ADGRE1: variants seen among roughly 807,000 people sequenced by gnomAD.
ADGRE1 encodes EGF-like module receptor 1.
A neutral mutation model predicts 102.7 loss-of-function variants in ADGRE1; 82 were observed. The observed-to-expected ratio is 0.80, with a 90% confidence interval of 0.67 to 0.96. ADGRE1 has a LOEUF of 0.96. ADGRE1 is among the 40% of genes least tolerant of loss of function. The pLI, the probability that ADGRE1 is intolerant of heterozygous loss-of-function variation, is 0.00. For missense variants in ADGRE1, 1,032 were observed against 1,085.3 expected, an observed-to-expected ratio of 0.95 and a Z score of 0.69; for synonymous variants, 398 against 399.6, an observed-to-expected ratio of 1.00 and a Z score of 0.05.
intron 17 of ADGRE1, among the ~76,000 whole-genome samples, chr19:6,932,738 C>T (rs1265350466): frequency 6.6e-6 from 1 of 152,164 alleles, no homozygotes; most frequent in Non-Finnish European, 1.5e-5. Flanking sequence ...TTTTTCCTGC[C>T]TGCTCGGCCC....
At chr19:6,921,130 A>G (rs1203560976) in intron 13 of ADGRE1, among the ~76,000 whole-genome samples, 1 of 152,184 alleles carries the variant, frequency 6.6e-6, no homozygotes, top group Non-Finnish European at 1.5e-5. Context: ...TACTAAAAAT[A>G]CAAAAATTAG....
rs78491083 is a variant in ADGRE1 at position 6,906,458 on chromosome 19, T to C, written c.975T>C (p.Asp325=). The C allele has an allele frequency of 8.9e-3, 14,357 of 1,613,896 alleles. 72 individuals are homozygous for C. The highest frequency in any genetic ancestry group is 0.011 in the Non-Finnish European group (12,600 of 1,179,824). Residue 325 remains aspartate (D), a synonymous_variant, in exon 9 of 21, where the codon GAT becomes GAC. Coordinates refer to ENST00000312053, the MANE Select transcript of ADGRE1 (RefSeq NM_001974.5). ...CQRVLFKCKE[D]VIPDNKQIQQ... is the part of the protein sequence containing the mutation. ...GGGTTCTCTTCAAATGTAAGGAAGA[T>C]GTGATACCCGATAATAAGCAGATCC...
Position 6,940,125 on chromosome 19 carries a change from G to T in ADGRE1, c.*96G>T. 2.1e-6 allele frequency: 3 copies of T among 1,416,002 alleles called. No individual in the cohort carries two copies. Among genetic ancestry groups the T allele is most frequent in the Non-Finnish European group, 2.0e-6 (2 of 1,014,324 alleles). 87.7% of individuals were successfully genotyped at this position (1,416,002 alleles called of 1,614,324 possible). A position where few individuals can be genotyped will look rare whatever the true frequency, so the allele number is the denominator to read the frequency against. On this transcript the variant is annotated 3_prime_UTR_variant, in exon 21 of 21. Coordinates refer to ENST00000312053, the MANE Select transcript of ADGRE1 (RefSeq NM_001974.5). ...CTGAAATCTCTTCTCAGCTTAACATGGAAATGAGGATCCCACCAGCCCCAG... is the reference window on the plus strand; with the variant it reads ...CTGAAATCTCTTCTCAGCTTAACATTGAAATGAGGATCCCACCAGCCCCAG...
At position 6,911,268 on chromosome 19, in the gene ADGRE1, G is replaced by A. The variant is rs569111470; in HGVS notation, c.1123-2385G>A. ...TTTTTTTCCTTTTATCATCTAATTT[G>A]GATAGATAGAAACTTGTATTGCTGC... On this transcript the variant is annotated intron_variant, in intron 10 of 20. Transcript: ENST00000312053. Among the ~76,000 whole-genome samples the A allele has an allele frequency of 3.4e-4, 51 of 151,516 alleles. 2 individuals carry two copies. The South Asian group carries it at 9.2e-3, about 27-fold the overall frequency.
At chr19:6,889,413 G>T (rs539352616) in intron 1 of ADGRE1, among the ~76,000 whole-genome samples, 53 of 152,128 alleles carry the variant, frequency 3.5e-4, no homozygotes, top group Non-Finnish European at 5.9e-4. Context: ...AAAATGGGCA[G>T]GGCGCAGTGG....
chr19:6,937,479 C>T, intron 19 of ADGRE1, 65 bp from the exon 20 acceptor site: 3 of 1,600,170 alleles, frequency 1.9e-6, no homozygotes, highest in Non-Finnish European at 2.6e-6. Flanking sequence ...CACCGCATCC[C>T]TCCACCCAAC....
Position 6,887,626 on chromosome 19 carries a change from GCTC to G in ADGRE1, c.22_24del (p.Leu8del). 6.2e-7 allele frequency: 1 copy of G among 1,612,518 alleles called. No homozygotes were observed. Among genetic ancestry groups the G allele is most frequent in the African/African-American group, 1.3e-5 (1 of 74,922 alleles). ...ACAGCATAATGCGTGGCTTCAACCT[GCTC>G]CTCTTCTGGGGTGAGTGTGAGGCTG... is the stretch of plus-strand genomic sequence containing the variant. On this transcript the variant is annotated inframe_deletion, in exon 1 of 21. Coordinates refer to ENST00000312053, the MANE Select transcript of ADGRE1 (RefSeq NM_001974.5).
intron 8 of ADGRE1, 79 bp downstream of exon 8, chr19:6,904,261 G>A (rs1056800512): frequency 1.4e-5 from 21 of 1,547,524 alleles, no homozygotes; most frequent in East Asian, 2.3e-5. Context: ...ACCCAACCTC[G>A]GGATCTTCCT....
At chr19:6,923,878 G>A (rs1161399522) in intron 14 of ADGRE1, among the ~76,000 whole-genome samples, 3 of 148,392 alleles carry the variant, frequency 2.0e-5, no homozygotes, top group Non-Finnish European at 4.5e-5. Context: ...CAATATCATA[G>A]AGAGGTGCTC....
intron 15 of ADGRE1, 88 bp downstream of exon 15, chr19:6,924,960 G>T (rs765750094): frequency 7.1e-7 from 1 of 1,409,576 alleles, no homozygotes; most frequent in Non-Finnish European, 9.8e-7. Flanking sequence ...CTCTATCCCT[G>T]TTCCTACCTC....
At chr19:6,898,463 G>A (rs1973651918) in intron 5 of ADGRE1, 1 of 1,592,180 alleles carries the variant, frequency 6.3e-7, no homozygotes, top group Non-Finnish European at 8.6e-7. Context: ...TCCTGTACTG[G>A]TGATGCCCTC....
In ADGRE1 at chr19:6,926,056, G is replaced by A. The variant is rs777207325; in HGVS notation, c.1987-310G>A. On this transcript the variant is annotated intron_variant, in intron 15 of 20. Transcript: ENST00000312053. ...CTATGGGGTCTAGTTTGCTGAACCC[G>A]CCTGTTTTCAACCATTCCCTAAAGT... 3.4e-4 allele frequency among the ~76,000 whole-genome samples: 51 copies of A among 152,042 alleles called. 1 individual carries two copies. Among genetic ancestry groups the A allele is most frequent in the Non-Finnish European group, 3.8e-4 (26 of 68,004 alleles).
intron 6 of ADGRE1, 132 bp from the exon 7 acceptor site, chr19:6,903,678 G>C (rs1296609613): frequency 2.9e-5 from 34 of 1,166,298 alleles, no homozygotes; most frequent in Non-Finnish European, 3.8e-5. Context: ...AGATGCAGAG[G>C]GTTCTAGGAA....
intron 10 of ADGRE1, 142 bp from the exon 11 acceptor site, chr19:6,913,511 T>A: frequency 1.4e-6 from 1 of 698,398 alleles, no homozygotes. Context: ...GCTTCTTGAA[T>A]CAGAAAAAGG....
chr19:6,927,300 T>TCC (rs1568361037), intron 16 of ADGRE1, among the ~76,000 whole-genome samples: 1 of 45,320 alleles, frequency 2.2e-5, no homozygotes, highest in African/African-American at 1.6e-4. Context: ...TCCCTCCCTC[T>TCC]CTTCCTCCCT....
At chr19:6,900,671 G>A (rs1973734338) in intron 5 of ADGRE1, among the ~76,000 whole-genome samples, 1 of 152,038 alleles carries the variant, frequency 6.6e-6, no homozygotes, top group African/African-American at 2.4e-5. Flanking sequence ...ATCTTCCTGT[G>A]TCTAGTGCAT....
chr19:6,938,076 C>T (rs1420575277), intron 20 of ADGRE1, among the ~76,000 whole-genome samples: 1 of 151,922 alleles, frequency 6.6e-6, no homozygotes, highest in African/African-American at 2.4e-5. Flanking sequence ...GTGGCTCACA[C>T]CTGTAATCCC....
intron 17 of ADGRE1, 130 bp from the exon 18 acceptor site, chr19:6,934,857 T>C: frequency 2.3e-6 from 1 of 437,928 alleles, no homozygotes; most frequent in South Asian, 5.0e-5. Flanking sequence ...TCCGCCCGCC[T>C]CAGCCTCCCA....
intron 17 of ADGRE1, among the ~76,000 whole-genome samples, chr19:6,929,709 T>G (rs1195986131): frequency 4.6e-5 from 7 of 152,016 alleles, no homozygotes; most frequent in Admixed American, 2.6e-4. Flanking sequence ...TTAATAGAGA[T>G]GGGTTTTCAC....
Sources: allele counts gnomAD v4.1 joint callset (sites outside exome capture counted in the v4.1 genomes callset), GRCh38; gene constraint gnomAD v4.1.1; transcripts MANE v1.5; gene names NCBI Gene and HGNC (gene_info 2026-07-23, HGNC 2026-07-21).